PIGN: variants seen among roughly 807,000 people sequenced by gnomAD.
PIGN encodes GPI ethanolamine phosphate transferase 1.
A neutral mutation model predicts 125.4 loss-of-function variants in PIGN; 117 were observed. The ratio of observed to expected loss-of-function variants is 0.93; its 90% CI spans 0.80 to 1.09. The LOEUF (loss-of-function observed/expected upper bound fraction) is 1.09. Ranked by LOEUF, PIGN falls within the 50% of genes least tolerant of loss-of-function variation. The pLI, the probability that PIGN is intolerant of heterozygous loss-of-function variation, is 0.00. For missense variants in PIGN, 1,075 were observed against 1,094.9 expected, an observed-to-expected ratio of 0.98 and a Z score of 0.26; for synonymous variants, 392 against 377.8, an observed-to-expected ratio of 1.04 and a Z score of -0.44.
At chr18:62,129,427 T>G (rs924839594) in intron 14 of PIGN, among the ~76,000 whole-genome samples, 2 of 152,178 alleles carry the variant, frequency 1.3e-5, no homozygotes, top group Admixed American at 6.5e-5. Flanking sequence ...GAAGACTTCT[T>G]GCGTCTCCAT....
chr18:62,082,216 G>C (rs1599474584), intron 28 of PIGN, among the ~76,000 whole-genome samples: 1 of 152,214 alleles, frequency 6.6e-6, no homozygotes, highest in East Asian at 1.9e-4. Context: ...AATCATGACA[G>C]AGAAACTGAG....
At chr18:62,178,157 T>C (rs1400000064) in intron 1 of PIGN, among the ~76,000 whole-genome samples, 9 of 152,092 alleles carry the variant, frequency 5.9e-5, no homozygotes, top group Admixed American at 1.3e-4. Context: ...ACACCAGAAA[T>C]GTGGGCCATA....
intron 14 of PIGN, among the ~76,000 whole-genome samples, chr18:62,121,571 T>C (rs1332236722): frequency 6.6e-6 from 1 of 152,084 alleles, no homozygotes; most frequent in Non-Finnish European, 1.5e-5. Flanking sequence ...GTAAGAACAT[T>C]TCCTATCTAT....
intron 30 of PIGN, among the ~76,000 whole-genome samples, chr18:62,047,375 A>C (rs2145025176): frequency 6.6e-6 from 1 of 152,320 alleles, no homozygotes; most frequent in Middle Eastern, 3.4e-3. Context: ...TGAAGCAGTA[A>C]TGAGGTCCCT....
chr18:62,113,034 G>A, intron 16 of PIGN, 100 bp downstream of exon 16: 1 of 842,960 alleles, frequency 1.2e-6, no homozygotes, highest in Middle Eastern at 3.4e-4. Flanking sequence ...ACAAGAGTTA[G>A]CTTAGAACAA....
chr18:62,019,725 G>T (rs1460514063), intron 23 of PIGN, among the ~76,000 whole-genome samples: 1 of 152,114 alleles, frequency 6.6e-6, no homozygotes, highest in Non-Finnish European at 1.5e-5. Context: ...TCTGCTTCTG[G>T]CCACAACAGA....
chr18:62,031,234 T>A (rs1349698586), intron 23 of PIGN, among the ~76,000 whole-genome samples: 2 of 152,218 alleles, frequency 1.3e-5, no homozygotes, highest in Non-Finnish European at 2.9e-5. Flanking sequence ...ATGTAAGACA[T>A]GACTGCTCCT....
chr18:62,074,735 G>C lies in PIGN; in HGVS notation c.2619+44C>G, dbSNP rs200834386. The C allele has an allele frequency of 3.6e-5, 45 of 1,251,012 alleles. 1 individual carries two copies. The East Asian group carries it at 9.8e-4, about 27-fold the overall frequency. 77.5% of individuals were successfully genotyped at this position (1,251,012 alleles called of 1,614,324 possible). A position where few individuals can be genotyped will look rare whatever the true frequency, so the allele number is the denominator to read the frequency against. On this transcript the variant is annotated intron_variant, in intron 29 of 30. Transcript: ENST00000640252. ...TATTTCTCTTTATTAAATTAACCCAGGACTCTTAATCTAATTTATATGGAC... is the reference window on the plus strand; with the variant it reads ...TATTTCTCTTTATTAAATTAACCCACGACTCTTAATCTAATTTATATGGAC...
intron 17 of PIGN, 67 bp from the exon 18 acceptor site, chr18:62,107,152 T>G (rs2034678467): frequency 2.0e-6 from 2 of 991,864 alleles, no homozygotes; most frequent in East Asian, 2.6e-5. Flanking sequence ...AATACAAACT[T>G]TGCACAAAGC....
chr18:62,117,983 G>T (rs2035153765), intron 14 of PIGN, among the ~76,000 whole-genome samples: 1 of 151,958 alleles, frequency 6.6e-6, no homozygotes, highest in South Asian at 2.1e-4. Flanking sequence ...TTAATCCACT[G>T]ATGGGCACTT....
chr18:62,157,360 T>C, intron 5 of PIGN, 133 bp from the exon 6 acceptor site: 3 of 550,682 alleles, frequency 5.4e-6, no homozygotes, highest in Non-Finnish European at 9.6e-6. Flanking sequence ...ATATTATGCA[T>C]ATTATACCAC....
chr18:62,074,894 G>A (rs1052332615), intron 28 of PIGN, 73 bp from the exon 29 acceptor site: 1 of 1,008,936 alleles, frequency 9.9e-7, no homozygotes, highest in East Asian at 2.5e-5. Flanking sequence ...AAATCCAAGT[G>A]AGACTAGGCA....
intron 30 of PIGN, among the ~76,000 whole-genome samples, chr18:62,071,102 C>A (rs185735279): frequency 9.8e-5 from 15 of 152,310 alleles, no homozygotes; most frequent in Admixed American, 9.8e-4. Context: ...GGCCACTGTT[C>A]CTGACCTCAA....
At chr18:62,096,073 T>C in intron 22 of PIGN, 123 bp from the exon 23 acceptor site, 1 of 521,246 alleles carries the variant, frequency 1.9e-6, no homozygotes, top group South Asian at 3.2e-5. Context: ...GGTGGGCAGA[T>C]CACCTGAGGT....
chr18:62,147,059 T>C lies in PIGN; in HGVS notation c.717A>G (p.Lys239=). The change falls in exon 9 of 31, where the codon AAA becomes AAG. Residue 239 remains lysine, a synonymous_variant. Coordinates refer to ENST00000640252, the MANE Select transcript of PIGN (RefSeq NM_176787.5). ...HNIKKVDDGV[K]EIVSMFNHFY... ...AGTGGTTAAACATAGACACGATTTC[T>C]TTAACTCCATCATCAACTTTTTTAA... 1 of 1,608,226 alleles carries C rather than the reference T, an allele frequency of 6.2e-7. No individual in the cohort carries two copies. The highest frequency in any genetic ancestry group is 8.5e-7 in the Non-Finnish European group (1 of 1,175,446).
chr18:62,183,938 C>T (rs1397592126), intron 1 of PIGN, among the ~76,000 whole-genome samples: 1 of 151,944 alleles, frequency 6.6e-6, no homozygotes, highest in Non-Finnish European at 1.5e-5. Flanking sequence ...TCACTAACTA[C>T]TTATTTTAAT....
At chr18:62,178,634 T>C (rs1338742668) in intron 1 of PIGN, among the ~76,000 whole-genome samples, 1 of 150,854 alleles carries the variant, frequency 6.6e-6, no homozygotes. Flanking sequence ...AAAGAAAAAC[T>C]GTAAGATAGT....
chr18:62,159,078 T>C (rs1247616571), intron 4 of PIGN, among the ~76,000 whole-genome samples: 1 of 152,166 alleles, frequency 6.6e-6, no homozygotes, highest in Non-Finnish European at 1.5e-5. Flanking sequence ...ACCCCGTCTC[T>C]ACCAAAGGTA....
chr18:62,125,181 TATACAC>T (rs1354159335), intron 14 of PIGN, among the ~76,000 whole-genome samples: 2 of 136,650 alleles, frequency 1.5e-5, no homozygotes, highest in East Asian at 2.2e-4. Flanking sequence ...TGTATATAAA[TATACAC>T]GTTTGTACAT....
Sources: allele counts gnomAD v4.1 joint callset (sites outside exome capture counted in the v4.1 genomes callset), GRCh38; gene constraint gnomAD v4.1.1; transcripts MANE v1.5; gene names NCBI Gene and HGNC (gene_info 2026-07-23, HGNC 2026-07-21).